KCNIP4: variants seen among roughly 807,000 people sequenced by gnomAD.
The protein encoded by KCNIP4 is potassium voltage-gated channel interacting protein 4, also known as Kv channel-interacting protein 4.
KCNIP4 carries 12 observed loss-of-function variants against 34.0 expected under a neutral mutation model. The ratio of observed to expected loss-of-function variants is 0.35; its 90% confidence interval spans 0.23 to 0.57. The LOEUF (loss-of-function observed/expected upper bound fraction) is 0.57. KCNIP4 is among the 20% of genes least tolerant of loss of function. KCNIP4 has a pLI of 0.83. For synonymous variants in KCNIP4, 124 were observed against 102.2 expected (o/e 1.21, Z -1.29); for missense variants, 238 against 311.7 (o/e 0.76, Z 1.78).
At chr4:21,351,865 T>C (rs1249719267) in intron 1 of KCNIP4, among the ~76,000 whole-genome samples, 1 of 152,168 alleles carries the variant, frequency 6.6e-6, no homozygotes, top group Non-Finnish European at 1.5e-5. Flanking sequence ...AGAAAATTAA[T>C]TTCTTTTGTT....
At chr4:21,058,483 C>T (rs1359974179) in intron 1 of KCNIP4, among the ~76,000 whole-genome samples, 1 of 152,040 alleles carries the variant, frequency 6.6e-6, no homozygotes, top group Non-Finnish European at 1.5e-5. Context: ...TACTTGTGTC[C>T]ATGATCATGT....
At chr4:20,920,403 C>G (rs1415386443) in intron 1 of KCNIP4, among the ~76,000 whole-genome samples, 1 of 152,178 alleles carries the variant, frequency 6.6e-6, no homozygotes, top group Non-Finnish European at 1.5e-5. Context: ...TACAGTACTT[C>G]TCATCTTGAA....
At chr4:21,158,853 ACTGT>A (rs1333460606) in intron 1 of KCNIP4, among the ~76,000 whole-genome samples, 1 of 152,204 alleles carries the variant, frequency 6.6e-6, no homozygotes, top group Admixed American at 6.5e-5. Context: ...AGATGACAGA[ACTGT>A]CTATGTATAA....
intron 1 of KCNIP4, among the ~76,000 whole-genome samples, chr4:20,917,050 TAA>T (rs1728920978): frequency 2.7e-5 from 3 of 111,380 alleles, no homozygotes; most frequent in African/African-American, 1.0e-4. Flanking sequence ...TATATATATA[TAA>T]AATTGAGATG....
chr4:21,419,700 G>A (rs1434486446), intron 1 of KCNIP4, among the ~76,000 whole-genome samples: 1 of 152,002 alleles, frequency 6.6e-6, no homozygotes, highest in Non-Finnish European at 1.5e-5. Flanking sequence ...GGAGAGGGAG[G>A]AAAATATTGA....
At chr4:21,570,338 A>T (rs907437403) in intron 1 of KCNIP4, among the ~76,000 whole-genome samples, 3 of 152,166 alleles carry the variant, frequency 2.0e-5, no homozygotes, top group Non-Finnish European at 2.9e-5. Flanking sequence ...CGTTTCCTGA[A>T]GGCCCTGAGC....
intron 2 of KCNIP4, among the ~76,000 whole-genome samples, chr4:20,865,769 C>T: frequency 6.6e-6 from 1 of 151,926 alleles, no homozygotes; most frequent in East Asian, 1.9e-4. Context: ...GTCTAGAGAT[C>T]TAAATTACAA....
At chr4:21,370,048 C>T (rs1178527478) in intron 1 of KCNIP4, among the ~76,000 whole-genome samples, 2 of 147,118 alleles carry the variant, frequency 1.4e-5, no homozygotes, top group Admixed American at 6.6e-5. Flanking sequence ...AGGATGGTCT[C>T]GACCTCCTGA....
intron 1 of KCNIP4, among the ~76,000 whole-genome samples, chr4:21,379,038 A>G (rs1560346191): frequency 6.6e-6 from 1 of 152,300 alleles, no homozygotes; most frequent in East Asian, 1.9e-4. Context: ...GACACATATT[A>G]TCTATGCATG....
intron 1 of KCNIP4, among the ~76,000 whole-genome samples, chr4:21,275,160 C>A (rs1279020480): frequency 6.6e-6 from 1 of 152,082 alleles, no homozygotes; most frequent in Non-Finnish European, 1.5e-5. Context: ...CTAATTCAGC[C>A]TTTTATCTTT....
At chr4:21,582,082 GGA>G (rs1560534661) in intron 1 of KCNIP4, 5 of 150,032 alleles carry the variant, frequency 3.3e-5, no homozygotes, top group East Asian at 2.0e-4. Context: ...GGAATGGAAT[GGA>G]ATGGGATGGG....
intron 1 of KCNIP4, among the ~76,000 whole-genome samples, chr4:21,135,147 G>A (rs1055636667): frequency 1.4e-4 from 22 of 152,210 alleles, no homozygotes; most frequent in African/African-American, 5.3e-4. Context: ...AGAAAAGATG[G>A]TCAGGTTCAC....
At position 21,247,123 on chromosome 4, in the gene KCNIP4, G is replaced by T. The variant is rs558026670; in HGVS notation, c.62-364414C>A. ...AGGGAAGTTATTTTATTGTATAAAA[G>T]AATTTCAGAGTTGGAAGAGGTTTTG... On this transcript the variant is annotated intron_variant, in intron 1 of 8. Transcript: ENST00000382152. Among the ~76,000 whole-genome samples, 6 of 152,246 alleles carry T rather than the reference G, an allele frequency of 3.9e-5. No individual in the cohort carries two copies. In the South Asian group the frequency reaches 1.2e-3, roughly 32 times the overall value.
At chr4:21,894,747 A>G (rs960281813) in intron 1 of KCNIP4, among the ~76,000 whole-genome samples, 13 of 152,368 alleles carry the variant, frequency 8.5e-5, no homozygotes, top group African/African-American at 2.6e-4. Context: ...ACTTGCCAAC[A>G]GAAGTTGGTT....
At chr4:21,866,574 A>C (rs1215867501) in intron 1 of KCNIP4, among the ~76,000 whole-genome samples, 1 of 152,182 alleles carries the variant, frequency 6.6e-6, no homozygotes, top group African/African-American at 2.4e-5. Flanking sequence ...TGCATAATGC[A>C]TACAAGACAC....
At chr4:21,688,359 T>C (rs1750972989) in intron 1 of KCNIP4, among the ~76,000 whole-genome samples, 1 of 152,072 alleles carries the variant, frequency 6.6e-6, no homozygotes, top group Non-Finnish European at 1.5e-5. Context: ...TATTCCACAA[T>C]CCAGAAGAGT....
intron 3 of KCNIP4, among the ~76,000 whole-genome samples, chr4:20,777,735 G>T (rs1294625751): frequency 1.3e-5 from 2 of 152,192 alleles, no homozygotes; most frequent in African/African-American, 4.8e-5. Context: ...TTGCAGAGAT[G>T]AATTAGTGTA....
chr4:21,519,805 GTGTA>G (rs1301067561), intron 1 of KCNIP4, among the ~76,000 whole-genome samples: 1 of 137,394 alleles, frequency 7.3e-6, no homozygotes, highest in East Asian at 2.4e-4. Flanking sequence ...ATACACGTGT[GTGTA>G]TGTGTGTGTA....
intron 1 of KCNIP4, among the ~76,000 whole-genome samples, chr4:20,917,020 T>C (rs1315172324): frequency 2.4e-4 from 6 of 24,800 alleles, no homozygotes; most frequent in African/African-American, 7.0e-4. Context: ...TATATATATA[T>C]ATATATATAT....
Sources: allele counts gnomAD v4.1 joint callset (sites outside exome capture counted in the v4.1 genomes callset), GRCh38; gene constraint gnomAD v4.1.1; transcripts MANE v1.5; gene names NCBI Gene and HGNC (gene_info 2026-07-23, HGNC 2026-07-21).